Variants in KARS1 observed in about 807,000 individuals in gnomAD.
The protein encoded by KARS1 is lysine--tRNA ligase.
In KARS1, 50 loss-of-function variants were observed where a neutral mutation model predicts 63.9. The observed-to-expected ratio is 0.78, with a 90% CI of 0.62 to 0.99. The LOEUF is 0.99. Among genes scored for constraint, KARS1 ranks in the 50% least tolerant of loss-of-function variants. The probability of loss-of-function intolerance (pLI) is 0.00; values close to 1 mark genes in which losing one functional copy is unlikely to be tolerated. For missense variants in KARS1, 816 were observed against 754.5 expected (o/e 1.08, Z -0.95); for synonymous variants, 320 against 264.6 (o/e 1.21, Z -2.03).
Position 75,637,900 on chromosome 16 carries a change from C to CAAAA in KARS1, c.389-1357_389-1354dup, listed in dbSNP as rs11386229. Among the ~76,000 whole-genome samples, 76 of 93,766 alleles carry CAAAA rather than the reference C, an allele frequency of 8.1e-4. 1 individual carries two copies. The highest frequency in any genetic ancestry group is 5.2e-3 in the Middle Eastern group (1 of 194). 61.5% of individuals were successfully genotyped at this position (93,766 alleles called of 152,430 possible). On this transcript the variant is annotated intron_variant, in intron 3 of 13. Transcript: ENST00000302445. Reference sequence around the variant, plus strand: ...CTAACAGGACAAGGAAAAAAGAGACCAAAAAAAAAAAAAAAAAGAAGACCC... The same window carrying CAAAA: ...CTAACAGGACAAGGAAAAAAGAGACCAAAAAAAAAAAAAAAAAAAAAGAAGACCC...
chr16:75,638,725 A>G (rs1167076415), intron 3 of KARS1, among the ~76,000 whole-genome samples: 1 of 152,232 alleles, frequency 6.6e-6, no homozygotes, highest in Non-Finnish European at 1.5e-5. Context: ...GAAAAGGAGG[A>G]TAAAATTTAA....
At chr16:75,639,558 T>A (rs1173666580) in intron 3 of KARS1, among the ~76,000 whole-genome samples, 1 of 119,298 alleles carries the variant, frequency 8.4e-6, no homozygotes. Context: ...GGAGACAGAG[T>A]GAGACTATAT....
chr16:75,646,818 G>C (rs886857844), intron 1 of KARS1, among the ~76,000 whole-genome samples: 6 of 151,930 alleles, frequency 3.9e-5, no homozygotes, highest in Non-Finnish European at 7.4e-5. Context: ...AAGCCCTCTC[G>C]TATGCCTCTG....
chr16:75,644,523 A>G, intron 1 of KARS1: 1 of 1,225,030 alleles, frequency 8.2e-7, no homozygotes, highest in Non-Finnish European at 1.1e-6. Flanking sequence ...ATACCCAACC[A>G]ACTCTCTTAT....
In KARS1 at chr16:75,635,817, G is replaced by A. The variant is rs762905187; in HGVS notation, c.670-12C>T. 1.9e-6 allele frequency: 3 copies of A among 1,614,156 alleles called. No homozygotes were observed. The highest frequency in any genetic ancestry group is 2.5e-6 in the Non-Finnish European group (3 of 1,180,014). ...CGATACCTTGTTTCCTAAACCAAAAGCAGCAGTTAGAAATCACTGGTATGT... is the reference window on the plus strand; with the variant it reads ...CGATACCTTGTTTCCTAAACCAAAAACAGCAGTTAGAAATCACTGGTATGT... On this transcript the variant is annotated splice_polypyrimidine_tract_variant and intron_variant, in intron 5 of 13. Transcript: ENST00000302445.
In KARS1 at chr16:75,634,367, T is replaced by C. The variant is rs112834496; in HGVS notation, c.796-75A>G. ...GGGACAGACCATGCTTTGCATGTAA[T>C]ATAGTCTAAGCCTGTTATACCCCAA... On this transcript the variant is annotated intron_variant, in intron 6 of 13. Transcript: ENST00000302445. The C allele has an allele frequency of 2.6e-4, 396 of 1,506,038 alleles. 1 individual carries two copies. The African/African-American group carries it at 4.5e-3, about 17-fold the overall frequency. 93.3% of individuals were successfully genotyped at this position (1,506,038 alleles called of 1,614,324 possible).
rs749584191 is a variant in KARS1, at chr16:75,631,487, A to C, written c.1181T>G (p.Ile394Ser). 1 of 1,614,132 alleles carries C rather than the reference A, an allele frequency of 6.2e-7. No individual in the cohort carries two copies. The highest frequency in any genetic ancestry group is 8.5e-7 in the Non-Finnish European group (1 of 1,180,004). ...TTTCTCAAGCTCTTCTACCATGTTG[A>C]TTCGCCGGAAGGGTGGGGTGAAGTC... is the stretch of plus-strand genomic sequence containing the variant. ...DVDFTPPFRR[I>S]NMVEELEKAL... The change falls in exon 9 of 14, where the codon ATC becomes AGC. Residue 394 changes from isoleucine to serine, a missense_variant. Transcript: ENST00000302445.
Position 75,635,942 on chromosome 16 carries a change from T to C in KARS1, c.639A>G (p.Leu213=), listed in dbSNP as rs2082156764. ...CTTTGAGGCCAAAGTGAAGATGAGGTAACATATGCAAACAGGGAGACAGCA... is the reference window on the plus strand; with the variant it reads ...CTTTGAGGCCAAAGTGAAGATGAGGCAACATATGCAAACAGGGAGACAGCA... ...ITLLSPCLHM[L]PHLHFGLKDK... is the part of the protein sequence containing the mutation. The change falls in exon 5 of 14, where the codon TTA becomes TTG. Residue 213 remains leucine, a synonymous_variant. Coordinates refer to ENST00000302445, the MANE Select transcript of KARS1 (RefSeq NM_005548.3). 1 of 1,614,150 alleles carries C rather than the reference T, an allele frequency of 6.2e-7. No homozygotes were observed. The highest frequency in any genetic ancestry group is 8.5e-7 in the Non-Finnish European group (1 of 1,180,030).
At chr16:75,640,439 C>T (rs894777969) in intron 2 of KARS1, 90 bp from the exon 3 acceptor site, 43 of 1,185,766 alleles carry the variant, frequency 3.6e-5, no homozygotes, top group South Asian at 9.9e-5. Flanking sequence ...ATTCTGCCCC[C>T]GAGTGACCCC....
rs1376606039 is a variant in KARS1, at chr16:75,636,643, G to GT, written c.389-97dup. The GT allele has an allele frequency of 8.6e-4, 599 of 698,924 alleles. 2 individuals carry two copies. The highest frequency in any genetic ancestry group is 3.2e-3 in the African/African-American group (173 of 53,806). The allele number at this position is 698,924 out of a possible 1,614,324, so 43.3% of individuals were successfully genotyped here. On this transcript the variant is annotated intron_variant, in intron 3 of 13. Transcript: ENST00000302445. ...AAACTCCCTCTGCATTTTTTTTTTT[G>GT]TTTTTTTTGGGACAGAGTCTTGCTC...
Position 75,631,508 on chromosome 16 carries a change from AAGTCAAC to A in KARS1, c.1153_1159del (p.Val385SerfsTer11). ...GTTGATTCGCCGGAAGGGTGGGGTG[AAGTCAAC>A]ATCGTAGGCTTGGCCCTCTGGGCCA... On this transcript the variant is annotated frameshift_variant, in exon 9 of 14. Coordinates refer to ENST00000302445, the MANE Select transcript of KARS1 (RefSeq NM_005548.3). LOFTEE classifies it high-confidence loss of function. 1 of 1,614,138 alleles carries A rather than the reference AAGTCAAC, an allele frequency of 6.2e-7. No homozygotes were observed. Among genetic ancestry groups the A allele is most frequent in the Non-Finnish European group, 8.5e-7 (1 of 1,180,012 alleles).
At chr16:75,641,513 T>C (rs778094646) in intron 2 of KARS1, 51 bp downstream of exon 2, 2 of 1,549,746 alleles carry the variant, frequency 1.3e-6, no homozygotes, top group South Asian at 2.3e-5. Context: ...GCCAGAAGCC[T>C]CATCAGAAGC....
chr16:75,634,068 T>C lies in KARS1; in HGVS notation c.915+105A>G, dbSNP rs1381799460. On this transcript the variant is annotated intron_variant, in intron 7 of 13. Transcript: ENST00000302445. ...TGACCCATCAGAACACTTTCTTGGC[T>C]GCTTTACTCTCTCTGTTCCTCTTAT... 3 of 1,264,056 alleles carry C rather than the reference T, an allele frequency of 2.4e-6. No homozygotes were observed. The Admixed American group carries it at 5.1e-5, about 21-fold the overall frequency. The allele number at this position is 1,264,056 out of a possible 1,614,324, so 78.3% of individuals were successfully genotyped here.
chr16:75,643,621 TG>T (rs1370107720), intron 1 of KARS1, among the ~76,000 whole-genome samples: 1 of 152,194 alleles, frequency 6.6e-6, no homozygotes, highest in Non-Finnish European at 1.5e-5. Flanking sequence ...CCTCGTGATC[TG>T]CCTGTCTTGG....
At chr16:75,646,101 A>G (rs2082280275) in intron 1 of KARS1, among the ~76,000 whole-genome samples, 1 of 152,228 alleles carries the variant, frequency 6.6e-6, no homozygotes, top group African/African-American at 2.4e-5. Flanking sequence ...AGCAGTCCAA[A>G]GACCAGGTTC....
chr16:75,628,746 CTTCTAAGA>C, intron 12 of KARS1, 34 bp from the exon 13 acceptor site: 10 of 1,612,934 alleles, frequency 6.2e-6, no homozygotes, highest in Non-Finnish European at 8.5e-6. Context: ...AGGTGACCTT[CTTCTAAGA>C]TATCTCAGTG....
chr16:75,629,124 C>G (rs2082082344), intron 12 of KARS1: 5 of 479,088 alleles, frequency 1.0e-5, no homozygotes, highest in Non-Finnish European at 1.9e-5. Flanking sequence ...CAGCCCTAAG[C>G]CACCTTAATA....
intron 10 of KARS1, 116 bp from the exon 11 acceptor site, chr16:75,630,624 T>C: frequency 2.3e-6 from 1 of 437,968 alleles, no homozygotes; most frequent in Non-Finnish European, 4.0e-6. Context: ...AGCTTTTTAT[T>C]TATTTATTAT....
chr16:75,641,452 C>T, intron 2 of KARS1, 112 bp downstream of exon 2: 1 of 865,330 alleles, frequency 1.2e-6, no homozygotes, highest in Non-Finnish European at 1.9e-6. Context: ...TTATCCCTGG[C>T]AGTGACCTCA....
Sources: allele counts gnomAD v4.1 joint callset (sites outside exome capture counted in the v4.1 genomes callset), GRCh38; gene constraint gnomAD v4.1.1; transcripts MANE v1.5; gene names NCBI Gene and HGNC (gene_info 2026-07-23, HGNC 2026-07-21).